Variants in MRPL34 observed in about 807,000 individuals in gnomAD.
The protein encoded by MRPL34 is mitochondrial ribosomal protein L34, also known as large ribosomal subunit protein bL34m.
MRPL34 carries 8 observed loss-of-function variants against 6.7 expected under a neutral mutation model. The ratio of observed to expected loss-of-function variants is 1.20; its 90% CI spans 0.70 to 2.16. The LOEUF is 2.16. MRPL34 is among the 30% of genes most tolerant of loss of function. MRPL34 has a pLI of 0.00. For missense variants in MRPL34, 146 were observed against 125.5 expected, an observed-to-expected ratio of 1.16 and a Z score of -0.78; for synonymous variants, 59 against 55.1, an observed-to-expected ratio of 1.07 and a Z score of -0.31.
In MRPL34 at chr19:17,306,435, T is replaced by A; in HGVS notation, c.*56T>A. The A allele has an allele frequency of 6.9e-7, 1 of 1,448,912 alleles. No individual in the cohort carries two copies. The allele number at this position is 1,448,912 out of a possible 1,614,324, so 89.8% of individuals were successfully genotyped here. On this transcript the variant is annotated 3_prime_UTR_variant, in exon 2 of 2. Coordinates refer to ENST00000252602, the MANE Select transcript of MRPL34 (RefSeq NM_023937.4). ...GGAAGCATCGCCCTCGCCTCGGACC[T>A]TGCCTGGCGCTATTTTTGCAGGGAG...
upstream of MRPL34, chr19:17,301,284 C>T (rs748220540): frequency 5.6e-6 from 9 of 1,606,468 alleles, no homozygotes; most frequent in Non-Finnish European, 7.6e-6. Flanking sequence ...CCGGCGGCTC[C>T]CCAGAGCCAT....
chr19:17,306,526 G>A lies in MRPL34; in HGVS notation c.*147G>A, dbSNP rs547221034. 1.5e-4 allele frequency: 107 copies of A among 706,784 alleles called. No individual in the cohort carries two copies. The highest frequency in any genetic ancestry group is 2.2e-4 in the Non-Finnish European group (98 of 442,310). The allele number at this position is 706,784 out of a possible 1,614,324, so 43.8% of individuals were successfully genotyped here. ...TTGTGGGGTTGAAGTCTGGATGGGA[G>A]CTTGCCAAGTCCCTTTTTAGGCTTT... On this transcript the variant is annotated 3_prime_UTR_variant, in exon 2 of 2. Coordinates refer to ENST00000252602, the MANE Select transcript of MRPL34 (RefSeq NM_023937.4).
At chr19:17,297,324 C>T (rs1365026651) in intron 1 of MRPL34, among the ~76,000 whole-genome samples, 1 of 152,006 alleles carries the variant, frequency 6.6e-6, no homozygotes, top group Non-Finnish European at 1.5e-5. Flanking sequence ...GAGACAGAGT[C>T]TTGCTCTGTC....
chr19:17,297,395 G>C (rs1019999312), intron 1 of MRPL34, among the ~76,000 whole-genome samples: 1 of 151,794 alleles, frequency 6.6e-6, no homozygotes, highest in Admixed American at 6.6e-5. Flanking sequence ...TCATGGGTTC[G>C]AATGATTATC....
exon 1 of MRPL34, chr19:17,292,665 T>C: frequency 4.3e-6 from 7 of 1,609,796 alleles, no homozygotes; most frequent in Non-Finnish European, 5.9e-6. Flanking sequence ...CAGCGGCTAC[T>C]TCTTGTCTTC....
At chr19:17,299,048 A>G (rs912495453), upstream of MRPL34, among the ~76,000 whole-genome samples, 3 of 152,136 alleles carry the variant, frequency 2.0e-5, no homozygotes, top group Non-Finnish European at 4.4e-5. Flanking sequence ...GGCCTGAGCA[A>G]CACTGCTTTA....
chr19:17,306,210 G>T lies in MRPL34; in HGVS notation c.110G>T (p.Gly37Val), dbSNP rs1225909222. Residue 37 changes from glycine (G) to valine (V), a missense_variant, in exon 2 of 2, where the codon GGC becomes GTC. Physicochemically the swap from Gly to Val is moderately radical, Grantham distance 109. Transcript: ENST00000252602. The part of the protein sequence containing the change: ...RAWLGFPDAW[G>V]LPTPQQARGK... ...TGGCTGGGGTTCCCAGACGCCTGGG[G>T]CCTCCCCACCCCGCAGCAGGCCCGG... The T allele has an allele frequency of 2.6e-6, 4 of 1,557,318 alleles. No individual in the cohort carries two copies. Among genetic ancestry groups the T allele is most frequent in the Non-Finnish European group, 3.5e-6 (4 of 1,151,430 alleles).
upstream of MRPL34, chr19:17,305,549 C>G (rs1451065685): frequency 3.4e-6 from 1 of 291,584 alleles, no homozygotes; most frequent in African/African-American, 2.3e-5. Flanking sequence ...ACCAGCTGCG[C>G]CCGGCCACCG....
At position 17,306,527 on chromosome 19, in the gene MRPL34, C is replaced by T. The variant is rs2074149983; in HGVS notation, c.*148C>T. On this transcript the variant is annotated 3_prime_UTR_variant, in exon 2 of 2. Transcript: ENST00000252602. Reference sequence around the variant, plus strand: ...TGTGGGGTTGAAGTCTGGATGGGAGCTTGCCAAGTCCCTTTTTAGGCTTTT... The same window carrying T: ...TGTGGGGTTGAAGTCTGGATGGGAGTTTGCCAAGTCCCTTTTTAGGCTTTT... 1.4e-6 allele frequency: 1 copy of T among 693,438 alleles called. No homozygotes were observed. Among genetic ancestry groups the T allele is most frequent in the South Asian group, 2.0e-5 (1 of 49,770 alleles). The allele number at this position is 693,438 out of a possible 1,614,324, so 43.0% of individuals were successfully genotyped here. A position where few individuals can be genotyped will look rare whatever the true frequency, so the allele number is the denominator to read the frequency against.
At chr19:17,296,908 T>C (rs577439393) in intron 1 of MRPL34, among the ~76,000 whole-genome samples, 15 of 152,294 alleles carry the variant, frequency 9.8e-5, no homozygotes, top group African/African-American at 3.6e-4. Flanking sequence ...TTAGTCAGGC[T>C]GGTCTTGAAC....
At chr19:17,294,498 G>A in intron 1 of MRPL34, 2 of 1,613,830 alleles carry the variant, frequency 1.2e-6, no homozygotes, top group South Asian at 1.1e-5. Flanking sequence ...GGCGGGCGAA[G>A]CCGGCCCTGG....
intron 1 of MRPL34, among the ~76,000 whole-genome samples, chr19:17,293,739 G>A (rs181459541): frequency 5.3e-5 from 8 of 151,320 alleles, no homozygotes; most frequent in Admixed American, 2.0e-4. Context: ...TGTCGCCCAG[G>A]CTGGAGTGCA....
At chr19:17,294,762 G>C in intron 1 of MRPL34, 1 of 1,614,162 alleles carries the variant, frequency 6.2e-7, no homozygotes, top group South Asian at 1.1e-5. Flanking sequence ...GGGCTCCAGC[G>C]CCGTAGGGCC....
At position 17,305,954 on chromosome 19, in the gene MRPL34, G is replaced by A; in HGVS notation, c.62G>A (p.Gly21Asp). The change falls in exon 1 of 2, where the codon GGC (glycine) becomes GAC (aspartate). Residue 21 changes from glycine to aspartate, a missense_variant. By Grantham distance (94) the Gly-to-Asp change is moderately conservative. Coordinates refer to ENST00000252602, the MANE Select transcript of MRPL34 (RefSeq NM_023937.4). ...PTSRSAALLG[G>D]RWLQPRAWLG... Reference sequence around the variant, plus strand: ...AGTAGGTCGGCAGCGTTGCTGGGTGGCAGGTAAGTCCTCAGGGGGACCCTT... The same window carrying A: ...AGTAGGTCGGCAGCGTTGCTGGGTGACAGGTAAGTCCTCAGGGGGACCCTT... The A allele has an allele frequency of 6.2e-7, 1 of 1,614,162 alleles. No homozygotes were observed.
chr19:17,306,286 C>A lies in MRPL34; in HGVS notation c.186C>A (p.Asn62Lys). Reference protein sequence around the residue: ...EYQPSNIKRKNKHGWVRRLST... With the variant: ...EYQPSNIKRKKKHGWVRRLST... Reference sequence around the variant, plus strand: ...AGCCGAGCAACATCAAACGCAAGAACAAGCACGGCTGGGTCCGGCGCCTGA... The same window carrying A: ...AGCCGAGCAACATCAAACGCAAGAAAAAGCACGGCTGGGTCCGGCGCCTGA... Residue 62 changes from asparagine to lysine, a missense_variant, in exon 2 of 2, where the codon AAC (asparagine) becomes AAA (lysine). Asn to Lys is a moderately conservative substitution (Grantham distance 94). Transcript: ENST00000252602. The A allele has an allele frequency of 6.2e-7, 1 of 1,609,872 alleles. No homozygotes were observed. Among genetic ancestry groups the A allele is most frequent in the Admixed American group, 1.7e-5 (1 of 59,636 alleles).
chr19:17,296,657 T>C (rs1392657937), intron 1 of MRPL34: 1 of 151,990 alleles, frequency 6.6e-6, no homozygotes, highest in African/African-American at 2.4e-5. Context: ...AAATACAGTT[T>C]ACACTTTTGG....
upstream of MRPL34, chr19:17,305,702 T>C: frequency 3.0e-6 from 2 of 661,668 alleles, no homozygotes; most frequent in Non-Finnish European, 2.7e-6. Flanking sequence ...AGAGCATCCC[T>C]GTGCCCCGCG....
upstream of MRPL34, chr19:17,301,619 TG>T (rs760548258): frequency 8.4e-6 from 13 of 1,539,856 alleles, no homozygotes. Flanking sequence ...GTCAGCATGG[TG>T]TGTCCTGTGA....
intron 1 of MRPL34, chr19:17,294,904 G>A (rs1484267194): frequency 1.5e-5 from 24 of 1,573,934 alleles, no homozygotes; most frequent in Non-Finnish European, 2.1e-5. Flanking sequence ...CAGGATACAA[G>A]CAGTGACCAT....
Sources: allele counts gnomAD v4.1 joint callset (sites outside exome capture counted in the v4.1 genomes callset), GRCh38; gene constraint gnomAD v4.1.1; transcripts MANE v1.5; gene names NCBI Gene and HGNC (gene_info 2026-07-23, HGNC 2026-07-21).